Variants in FAM204A observed in about 807,000 individuals in gnomAD.
The protein encoded by FAM204A is family with sequence similarity 204 member A.
Under a neutral mutation model 35.4 loss-of-function variants are expected in FAM204A, and 16 were observed. That is an observed-to-expected ratio of 0.45 (90% CI 0.31 to 0.69). FAM204A has a LOEUF of 0.69. FAM204A is among the 30% of genes least tolerant of loss of function. The pLI is 0.07. For synonymous variants in FAM204A, 76 were observed against 86.9 expected, an observed-to-expected ratio of 0.88 and a Z score of 0.70; for missense variants, 240 against 265.7, an observed-to-expected ratio of 0.90 and a Z score of 0.67.
intron 7 of FAM204A, among the ~76,000 whole-genome samples, chr10:118,314,591 C>T (rs1846001976): frequency 6.6e-6 from 1 of 152,140 alleles, no homozygotes; most frequent in South Asian, 2.1e-4. Flanking sequence ...ATAAAATAGG[C>T]CGAAAAGAAT....
intron 6 of FAM204A, among the ~76,000 whole-genome samples, chr10:118,329,725 C>T (rs1375561559): frequency 6.6e-6 from 1 of 152,156 alleles, no homozygotes; most frequent in African/African-American, 2.4e-5. Flanking sequence ...GTGTCACCGG[C>T]TTGGTGTGTC....
intron 7 of FAM204A, among the ~76,000 whole-genome samples, chr10:118,325,469 T>C (rs1419951977): frequency 6.6e-6 from 1 of 151,720 alleles, no homozygotes; most frequent in Non-Finnish European, 1.5e-5. Flanking sequence ...AAAAAGACTA[T>C]GGTGGAGATT....
At chr10:118,337,233 T>C in intron 2 of FAM204A, 1 of 984,934 alleles carries the variant, frequency 1.0e-6, no homozygotes, top group Non-Finnish European at 1.2e-6. Flanking sequence ...TACTCACTAT[T>C]GATCTTCATG....
chr10:118,336,528 G>T, intron 2 of FAM204A, 105 bp from the exon 3 acceptor site: 1 of 1,059,782 alleles, frequency 9.4e-7, no homozygotes, highest in Non-Finnish European at 1.3e-6. Context: ...AATGGTTTGG[G>T]AACAGTCCAT....
intron 2 of FAM204A, among the ~76,000 whole-genome samples, chr10:118,337,708 C>T (rs1201962608): frequency 6.6e-6 from 1 of 152,120 alleles, no homozygotes; most frequent in Non-Finnish European, 1.5e-5. Flanking sequence ...ACATCTCTGA[C>T]CCTCAATTTC....
intron 7 of FAM204A, among the ~76,000 whole-genome samples, chr10:118,313,651 T>C (rs929251808): frequency 6.6e-6 from 1 of 152,150 alleles, no homozygotes; most frequent in East Asian, 1.9e-4. Flanking sequence ...AAAATCTATA[T>C]TTTTTCCATT....
chr10:118,340,705 G>A (rs1846463320), intron 2 of FAM204A, among the ~76,000 whole-genome samples: 2 of 152,094 alleles, frequency 1.3e-5, no homozygotes, highest in African/African-American at 4.8e-5. Context: ...AACCAGAAAG[G>A]GGAAACAAAG....
chr10:118,333,213 T>G (rs1846320082), intron 6 of FAM204A, among the ~76,000 whole-genome samples: 1 of 152,148 alleles, frequency 6.6e-6, no homozygotes, highest in Non-Finnish European at 1.5e-5. Context: ...AGACACATAT[T>G]AAGAAGTTTG....
intron 7 of FAM204A, 55 bp from the exon 8 acceptor site, chr10:118,311,368 GTAA>G (rs1845949985): frequency 4.5e-6 from 6 of 1,327,530 alleles, no homozygotes; most frequent in Non-Finnish European, 6.3e-6. Context: ...AGCTAATACA[GTAA>G]TTACACTTAT....
intron 7 of FAM204A, among the ~76,000 whole-genome samples, chr10:118,318,926 C>CTT (rs375940724): frequency 7.1e-6 from 1 of 140,974 alleles, no homozygotes; most frequent in Non-Finnish European, 1.6e-5. Flanking sequence ...TTGGGAAGGG[C>CTT]TTTTTTTTTT....
At position 118,335,364 on chromosome 10, in the gene FAM204A, T is replaced by G. The variant is rs1241976496; in HGVS notation, c.353+32A>C. The G allele has an allele frequency of 1.9e-6, 3 of 1,578,640 alleles. No homozygotes were observed. The Admixed American group carries it at 5.5e-5, about 29-fold the overall frequency. ...TAGTTCAACAATTTCTACAATGGCC[T>G]AAAATAGATAACTATTTTAAATTCT... is the stretch of plus-strand genomic sequence containing the variant. On this transcript the variant is annotated intron_variant, in intron 5 of 8. Coordinates refer to ENST00000369183, the MANE Select transcript of FAM204A (RefSeq NM_022063.3).
chr10:118,325,127 C>T (rs236202), intron 7 of FAM204A, among the ~76,000 whole-genome samples: 3,186 of 151,708 alleles, frequency 0.021, 97 homozygotes, highest in African/African-American at 0.071. Context: ...TTTCCCTACG[C>T]CAAAATAAAA....
chr10:118,299,717 G>T lies in FAM204A; in HGVS notation c.*11140C>A, dbSNP rs1845788493. ...TGAGTGCTCATTCCCTAAGGCCGAG[G>T]AAAGCTTGACAATTATTGGACAACT... On this transcript the variant is annotated 3_prime_UTR_variant, in exon 9 of 9. Transcript: ENST00000369183. 1 of 152,068 alleles carries T rather than the reference G, an allele frequency of 6.6e-6. No individual in the cohort carries two copies. The highest frequency in any genetic ancestry group is 1.5e-5 in the Non-Finnish European group (1 of 68,024). The allele number at this position is 152,068 out of a possible 1,614,324, so 9.4% of individuals were successfully genotyped here. A position where few individuals can be genotyped will look rare whatever the true frequency, so the allele number is the denominator to read the frequency against.
intron 6 of FAM204A, among the ~76,000 whole-genome samples, chr10:118,334,309 A>G (rs1466833618): frequency 1.3e-5 from 2 of 152,130 alleles, no homozygotes; most frequent in Admixed American, 1.3e-4. Context: ...AAAGCTTTGA[A>G]TGATTCTCTC....
chr10:118,311,276 T>C lies in FAM204A; in HGVS notation c.581A>G (p.Asn194Ser), dbSNP rs147368320. 9.2e-5 allele frequency: 148 copies of C among 1,609,890 alleles called. No individual in the cohort carries two copies. Among genetic ancestry groups the C allele is most frequent in the Non-Finnish European group, 1.2e-4 (139 of 1,179,214 alleles). ...VKIAKAVACHNFVKAKKEVEN... is the reference protein window; with the variant it reads ...VKIAKAVACHSFVKAKKEVEN... Reference sequence around the variant, plus strand: ...AACCTCCTTTTTGGCTTTTACAAAGTTGTGGCAGGCAACTGCTTTGGCAAT... The same window carrying C: ...AACCTCCTTTTTGGCTTTTACAAAGCTGTGGCAGGCAACTGCTTTGGCAAT... The change falls in exon 8 of 9, where the codon AAC becomes AGC. Residue 194 changes from asparagine to serine, a missense_variant. By Grantham distance (46) the Asn-to-Ser change is conservative. Transcript: ENST00000369183.
Position 118,335,647 on chromosome 10 carries a change from T to TA in FAM204A, c.235-7dup. 6.3e-7 allele frequency: 1 copy of TA among 1,582,504 alleles called. No homozygotes were observed. The highest frequency in any genetic ancestry group is 1.4e-5 in the African/African-American group (1 of 73,118). On this transcript the variant is annotated splice_polypyrimidine_tract_variant and splice_region_variant and intron_variant, in intron 3 of 8. Coordinates refer to ENST00000369183, the MANE Select transcript of FAM204A (RefSeq NM_022063.3). ...TTATGCAATTCTTGAAATTTCTATGTAAAAGAAAAAAAAATTGAGAAGCAA... is the reference window on the plus strand; with the variant it reads ...TTATGCAATTCTTGAAATTTCTATGTAAAAAGAAAAAAAAATTGAGAAGCAA...
At chr10:118,322,472 A>T (rs1846133417) in intron 7 of FAM204A, 2 of 445,734 alleles carry the variant, frequency 4.5e-6, no homozygotes, top group Non-Finnish European at 9.1e-6. Context: ...TCAAAATTAT[A>T]AGGGACATGC....
chr10:118,330,150 C>T (rs905871407), intron 6 of FAM204A, among the ~76,000 whole-genome samples: 2 of 152,126 alleles, frequency 1.3e-5, no homozygotes, highest in South Asian at 2.1e-4. Context: ...TTTTCCTGTG[C>T]AGAATATTAA....
At chr10:118,317,272 T>C (rs1157665216) in intron 7 of FAM204A, among the ~76,000 whole-genome samples, 1 of 152,110 alleles carries the variant, frequency 6.6e-6, no homozygotes, top group African/African-American at 2.4e-5. Context: ...ATTATATATG[T>C]GTTTTGCTGT....
Sources: allele counts gnomAD v4.1 joint callset (sites outside exome capture counted in the v4.1 genomes callset), GRCh38; gene constraint gnomAD v4.1.1; transcripts MANE v1.5; gene names NCBI Gene and HGNC (gene_info 2026-07-23, HGNC 2026-07-21).